Variants in NPAS3 observed in about 807,000 individuals in gnomAD.
NPAS3 encodes neuronal PAS domain-containing protein 3.
NPAS3 carries 14 observed loss-of-function variants against 73.1 expected under a neutral mutation model. The ratio of observed to expected loss-of-function variants is 0.19; its 90% CI spans 0.13 to 0.30. The LOEUF (loss-of-function observed/expected upper bound fraction) is 0.30. NPAS3 is among the 10% of genes least tolerant of loss of function. The pLI, the probability that NPAS3 is intolerant of heterozygous loss-of-function variation, is 1.00. For missense variants in NPAS3, 1,096 were observed against 1,250.0 expected, an observed-to-expected ratio of 0.88 and a Z score of 1.86; for synonymous variants, 620 against 541.5, an observed-to-expected ratio of 1.14 and a Z score of -2.01.
chr14:33,328,446 C>CTTTTTTTTTTTTTTTTTTTT lies in NPAS3; in HGVS notation c.386-38721_386-38702dup, dbSNP rs58411120. 3.2e-4 allele frequency among the ~76,000 whole-genome samples: 16 copies of CTTTTTTTTTTTTTTTTTTTT among 49,598 alleles called. 4 individuals are homozygous for CTTTTTTTTTTTTTTTTTTTT. Among genetic ancestry groups the CTTTTTTTTTTTTTTTTTTTT allele is most frequent in the East Asian group, 1.6e-3 (3 of 1,822 alleles). The allele number at this position is 49,598 out of a possible 152,430, so 32.5% of individuals were successfully genotyped here. ...TTTATCTTTCTTTTCCTTTTCTTTT[C>CTTTTTTTTTTTTTTTTTTTT]TTTTTTTTTTTTTTTTTTTTTTTTT... is the stretch of plus-strand genomic sequence containing the variant. On this transcript the variant is annotated intron_variant, in intron 3 of 11. Transcript: ENST00000356141.
intron 2 of NPAS3, among the ~76,000 whole-genome samples, chr14:33,195,830 AG>A (rs1423808077): frequency 6.6e-6 from 1 of 152,216 alleles, no homozygotes; most frequent in Admixed American, 6.5e-5. Context: ...CCTGAAGGAA[AG>A]TCAGGTTGAA....
intron 4 of NPAS3, among the ~76,000 whole-genome samples, chr14:33,450,051 G>A (rs1460555895): frequency 6.6e-6 from 1 of 152,164 alleles, no homozygotes; most frequent in Non-Finnish European, 1.5e-5. Context: ...AAACTTACTC[G>A]GCAGTATGTA....
At chr14:33,265,113 C>T (rs1486317303) in intron 3 of NPAS3, among the ~76,000 whole-genome samples, 1 of 152,130 alleles carries the variant, frequency 6.6e-6, no homozygotes, top group African/African-American at 2.4e-5. Flanking sequence ...AAACAAGGTC[C>T]CTCGTGTTAA....
intron 4 of NPAS3, among the ~76,000 whole-genome samples, chr14:33,425,814 G>T (rs543119663): frequency 6.6e-6 from 1 of 152,082 alleles, no homozygotes; most frequent in South Asian, 2.1e-4. Flanking sequence ...TATCAAACAT[G>T]GTTTACATCA....
chr14:33,798,861 G>C (rs1330200558), intron 11 of NPAS3, among the ~76,000 whole-genome samples: 2 of 151,862 alleles, frequency 1.3e-5, no homozygotes, highest in Non-Finnish European at 2.9e-5. Flanking sequence ...TATACAGTGA[G>C]GTGGCAGGGT....
chr14:33,692,773 G>C (rs577624179), intron 6 of NPAS3, among the ~76,000 whole-genome samples: 2 of 141,674 alleles, frequency 1.4e-5, no homozygotes, highest in South Asian at 4.6e-4. Flanking sequence ...ATCAGTTTTT[G>C]GTGAGCTTTG....
At chr14:33,181,197 T>C (rs10139266) in intron 2 of NPAS3, among the ~76,000 whole-genome samples, 9,829 of 152,160 alleles carry the variant, frequency 0.065, 364 homozygotes, top group Non-Finnish European at 0.08. Context: ...GACAAGGCCG[T>C]TAGTATGAAT....
chr14:33,569,040 C>T (rs2056094473), intron 5 of NPAS3, among the ~76,000 whole-genome samples: 1 of 152,026 alleles, frequency 6.6e-6, no homozygotes, highest in Non-Finnish European at 1.5e-5. Flanking sequence ...TAAATGCATA[C>T]AATTTGTTTC....
At chr14:33,112,004 A>C (rs532203456) in intron 2 of NPAS3, among the ~76,000 whole-genome samples, 3 of 151,918 alleles carry the variant, frequency 2.0e-5, no homozygotes, top group African/African-American at 7.3e-5. Flanking sequence ...TGGACTCATC[A>C]TTTTTTATGG....
chr14:33,166,744 G>A (rs1037511376), intron 2 of NPAS3, among the ~76,000 whole-genome samples: 2 of 151,972 alleles, frequency 1.3e-5, no homozygotes, highest in African/African-American at 4.8e-5. Context: ...GGGATGAGAT[G>A]GTACACATAC....
chr14:33,156,112 T>A (rs1341874000), intron 2 of NPAS3, among the ~76,000 whole-genome samples: 1 of 152,128 alleles, frequency 6.6e-6, no homozygotes, highest in African/African-American at 2.4e-5. Flanking sequence ...ATGAAGGAAA[T>A]CAGTATAAGG....
At chr14:33,664,712 A>T (rs975583598) in intron 5 of NPAS3, among the ~76,000 whole-genome samples, 16 of 152,256 alleles carry the variant, frequency 1.1e-4, no homozygotes, top group Admixed American at 2.6e-4. Flanking sequence ...ATAAACAGAC[A>T]GTTCTCAAAA....
intron 5 of NPAS3, among the ~76,000 whole-genome samples, chr14:33,566,457 A>T (rs186623399): frequency 6.6e-6 from 1 of 151,148 alleles, no homozygotes; most frequent in African/African-American, 2.4e-5. Context: ...TTTTCCTTCC[A>T]CCCCACCCTT....
At chr14:33,388,839 G>C (rs530874945) in intron 4 of NPAS3, among the ~76,000 whole-genome samples, 1 of 152,258 alleles carries the variant, frequency 6.6e-6, no homozygotes, top group East Asian at 1.9e-4. Context: ...TTTCCATTGT[G>C]CCTATTTCAT....
chr14:33,395,115 A>C (rs1489634176), intron 4 of NPAS3, among the ~76,000 whole-genome samples: 1 of 152,200 alleles, frequency 6.6e-6, no homozygotes, highest in African/African-American at 2.4e-5. Context: ...GATCTCTTGA[A>C]AGATAATTGA....
chr14:32,954,653 A>T (rs886165267), intron 1 of NPAS3, among the ~76,000 whole-genome samples: 1 of 152,086 alleles, frequency 6.6e-6, no homozygotes, highest in African/African-American at 2.4e-5. Context: ...TCCTAATCCC[A>T]GTATGAGTCT....
intron 6 of NPAS3, among the ~76,000 whole-genome samples, chr14:33,688,778 C>T (rs994097391): frequency 1.3e-5 from 2 of 152,180 alleles, no homozygotes; most frequent in African/African-American, 2.4e-5. Flanking sequence ...CCTACCTATT[C>T]TTCATTTACA....
intron 3 of NPAS3, among the ~76,000 whole-genome samples, chr14:33,265,273 C>T (rs2049127522): frequency 6.6e-6 from 1 of 152,190 alleles, no homozygotes; most frequent in Non-Finnish European, 1.5e-5. Flanking sequence ...GAACTCTGCT[C>T]TCTGGCATCA....
chr14:33,598,767 G>C (rs564638087), intron 5 of NPAS3, among the ~76,000 whole-genome samples: 7 of 152,160 alleles, frequency 4.6e-5, no homozygotes, highest in Non-Finnish European at 8.8e-5. Context: ...CTTTCAGGGT[G>C]TCTTTTGCCT....
Sources: allele counts gnomAD v4.1 joint callset (sites outside exome capture counted in the v4.1 genomes callset), GRCh38; gene constraint gnomAD v4.1.1; transcripts MANE v1.5; gene names NCBI Gene and HGNC (gene_info 2026-07-23, HGNC 2026-07-21).